The following PHACTR4 variants were observed in gnomAD, a reference collection of about 807,000 sequenced individuals.
The protein encoded by PHACTR4 is protein phosphatase 1, regulatory subunit 124.
Under a neutral mutation model 72.7 loss-of-function variants are expected in PHACTR4, and 51 were observed. That is an observed-to-expected ratio of 0.70 (90% CI 0.56 to 0.89). The LOEUF is 0.89. PHACTR4 is among the 40% of genes least tolerant of loss of function. The probability of loss-of-function intolerance (pLI) is 0.00; values close to 1 mark genes in which losing one functional copy is unlikely to be tolerated. For missense variants in PHACTR4, 731 were observed against 861.8 expected (o/e 0.85, Z 1.90); for synonymous variants, 255 against 302.5 (o/e 0.84, Z 1.63).
chr1:28,420,075 G>A (rs1167061648), intron 2 of PHACTR4, among the ~76,000 whole-genome samples: 2 of 152,088 alleles, frequency 1.3e-5, no homozygotes, highest in Admixed American at 6.6e-5. Context: ...GCAACATTGT[G>A]AGACCCCATC....
rs550801026 is a variant in PHACTR4, at chr1:28,455,613, T to C, written c.17-3472T>C. Among the ~76,000 whole-genome samples the C allele has an allele frequency of 2.6e-5, 4 of 152,306 alleles. No homozygotes were observed. In the South Asian group the frequency reaches 8.3e-4, roughly 32 times the overall value. ...AATCTGGTATTGGGTTTAACACACCTGACTGACCTTAGGACCCTAGGCTGA... is the reference window on the plus strand; with the variant it reads ...AATCTGGTATTGGGTTTAACACACCCGACTGACCTTAGGACCCTAGGCTGA... On this transcript the variant is annotated intron_variant, in intron 2 of 13. Transcript: ENST00000373839.
intron 12 of PHACTR4, 94 bp from the exon 13 acceptor site, chr1:28,492,921 T>C (rs1661126359): frequency 8.9e-7 from 1 of 1,122,922 alleles, no homozygotes; most frequent in Admixed American, 1.9e-5. Flanking sequence ...TTGCAGTGAC[T>C]TACAAAGTTA....
intron 1 of PHACTR4, among the ~76,000 whole-genome samples, chr1:28,388,115 A>G (rs575246996): frequency 6.6e-4 from 101 of 152,096 alleles, no homozygotes; most frequent in African/African-American, 2.4e-3. Flanking sequence ...CACCTGAGCC[A>G]GGAGACTGAG....
chr1:28,400,804 T>C (rs1299017299), intron 1 of PHACTR4, among the ~76,000 whole-genome samples: 8 of 152,158 alleles, frequency 5.3e-5, no homozygotes, highest in Non-Finnish European at 1.5e-5. Context: ...GGTCTCGAAC[T>C]CCTGACCTCA....
chr1:28,382,591 C>T (rs1480512966), intron 1 of PHACTR4, among the ~76,000 whole-genome samples: 1 of 152,166 alleles, frequency 6.6e-6, no homozygotes, highest in Non-Finnish European at 1.5e-5. Context: ...GCGTGAGCCA[C>T]CGCGCCCGGC....
chr1:28,400,393 A>G (rs1011200851), intron 1 of PHACTR4, among the ~76,000 whole-genome samples: 12 of 143,732 alleles, frequency 8.3e-5, no homozygotes, highest in Non-Finnish European at 1.7e-4. Context: ...AAAAAAAAAA[A>G]GAGAAATCTG....
intron 1 of PHACTR4, among the ~76,000 whole-genome samples, chr1:28,385,542 CA>C (rs765203303): frequency 0.31 from 24,401 of 79,142 alleles, 2,101 homozygotes; most frequent in Middle Eastern, 0.42. Context: ...GACTCTGTCT[CA>C]AAAAAAAAAA....
intron 2 of PHACTR4, among the ~76,000 whole-genome samples, chr1:28,443,032 T>C (rs1294149951): frequency 8.6e-5 from 13 of 152,038 alleles, no homozygotes; most frequent in Admixed American, 8.5e-4. Flanking sequence ...TCCTCTTATC[T>C]AGCTGTAATT....
intron 2 of PHACTR4, chr1:28,422,432 G>T (rs1655566808): frequency 6.6e-6 from 1 of 152,160 alleles, no homozygotes; most frequent in Admixed American, 6.6e-5. Context: ...TAAACACTTT[G>T]CCACTTTATA....
chr1:28,460,385 A>T, intron 4 of PHACTR4, 93 bp downstream of exon 4: 1 of 937,470 alleles, frequency 1.1e-6, no homozygotes, highest in Non-Finnish European at 1.6e-6. Context: ...TCTTTCTTTT[A>T]TATTGCTATT....
At position 28,412,004 on chromosome 1, in the gene PHACTR4, A is replaced by G. The variant is rs1183299148; in HGVS notation, c.16+4541A>G. 5.3e-5 allele frequency among the ~76,000 whole-genome samples: 8 copies of G among 152,318 alleles called. 1 individual carries two copies. In the East Asian group the frequency reaches 1.5e-3, roughly 29 times the overall value. On this transcript the variant is annotated intron_variant, in intron 2 of 13. Transcript: ENST00000373839. Reference sequence around the variant, plus strand: ...AATAAAGTACCAGAAGGATAGACCTAAGGTCTCTAGGACCTTTTCTACCTG... The same window carrying G: ...AATAAAGTACCAGAAGGATAGACCTGAGGTCTCTAGGACCTTTTCTACCTG...
chr1:28,495,720 C>T (rs1037719204), intron 13 of PHACTR4, among the ~76,000 whole-genome samples: 2 of 151,370 alleles, frequency 1.3e-5, no homozygotes, highest in African/African-American at 4.9e-5. Context: ...ATGTTCAAGC[C>T]ATCCTCCCAC....
At chr1:28,477,232 T>TAG (rs1278079610) in intron 8 of PHACTR4, among the ~76,000 whole-genome samples, 9 of 151,880 alleles carry the variant, frequency 5.9e-5, no homozygotes, top group African/African-American at 2.2e-4. Flanking sequence ...ATTACAGGCG[T>TAG]CTGCCACTAG....
intron 2 of PHACTR4, among the ~76,000 whole-genome samples, chr1:28,408,844 T>G (rs1654562949): frequency 6.9e-6 from 1 of 144,854 alleles, no homozygotes; most frequent in South Asian, 2.2e-4. Context: ...CCCGACTGAT[T>G]TTTTTTTTTT....
intron 2 of PHACTR4, chr1:28,453,815 C>T (rs1658158784): frequency 3.3e-5 from 29 of 882,798 alleles, no homozygotes; most frequent in South Asian, 3.2e-4. Context: ...AATCATGATG[C>T]TGACAGAGCA....
chr1:28,379,015 C>T (rs1294762846), intron 1 of PHACTR4, among the ~76,000 whole-genome samples: 1 of 152,096 alleles, frequency 6.6e-6, no homozygotes, highest in Non-Finnish European at 1.5e-5. Context: ...TACAGTGGCA[C>T]AGTCATGGCT....
intron 9 of PHACTR4, among the ~76,000 whole-genome samples, chr1:28,484,343 C>G (rs1335430604): frequency 6.6e-6 from 1 of 151,874 alleles, no homozygotes; most frequent in Non-Finnish European, 1.5e-5. Flanking sequence ...ATAAAATAGC[C>G]AGGCATGGTA....
chr1:28,381,832 G>A (rs1652194384), intron 1 of PHACTR4, among the ~76,000 whole-genome samples: 1 of 152,126 alleles, frequency 6.6e-6, no homozygotes, highest in African/African-American at 2.4e-5. Flanking sequence ...GAGTGCAATG[G>A]CACAATCTTG....
chr1:28,412,465 G>A (rs968901314), intron 2 of PHACTR4, among the ~76,000 whole-genome samples: 3 of 152,098 alleles, frequency 2.0e-5, no homozygotes, highest in African/African-American at 7.2e-5. Flanking sequence ...CTAAAGGGTT[G>A]ATATTTATTA....
Sources: gnomAD v4.1 joint callset for allele counts (sites outside exome capture counted in the v4.1 genomes callset) on GRCh38, gnomAD v4.1.1 for gene constraint, MANE v1.5 for transcripts, NCBI Gene and HGNC (gene_info 2026-07-23, HGNC 2026-07-21) for gene names.